Variants in TAFA2 observed in about 807,000 individuals in gnomAD.
TAFA2 encodes chemokine-like protein TAFA-2.
Under a neutral mutation model 18.8 loss-of-function variants are expected in TAFA2, and 7 were observed. That is an observed-to-expected ratio of 0.37 (90% confidence interval 0.21 to 0.70). The LOEUF (loss-of-function observed/expected upper bound fraction) is 0.70. Ranked by LOEUF, TAFA2 falls within the 30% of genes least tolerant of loss-of-function variation. TAFA2 has a pLI of 0.53. For missense variants in TAFA2, 122 were observed against 158.1 expected, an observed-to-expected ratio of 0.77 and a Z score of 1.23; for synonymous variants, 60 against 54.2, an observed-to-expected ratio of 1.11 and a Z score of -0.47.
chr12:62,214,839 T>C (rs573007084), intron 1 of TAFA2, among the ~76,000 whole-genome samples: 1 of 152,214 alleles, frequency 6.6e-6, no homozygotes, highest in Non-Finnish European at 1.5e-5. Context: ...TGGTACTTTG[T>C]TATGGCATCC....
intron 1 of TAFA2, among the ~76,000 whole-genome samples, chr12:62,047,992 T>C (rs1881953830): frequency 6.6e-6 from 1 of 152,232 alleles, no homozygotes; most frequent in African/African-American, 2.4e-5. Context: ...GATAAAGTGA[T>C]CTTTGAAGCA....
intron 4 of TAFA2, among the ~76,000 whole-genome samples, chr12:61,713,214 A>G (rs905685182): frequency 2.0e-5 from 3 of 152,166 alleles, no homozygotes; most frequent in Admixed American, 2.0e-4. Context: ...AAAGGTGGCC[A>G]ACTGTTCAAA....
chr12:62,168,269 T>C (rs890789348), intron 1 of TAFA2, among the ~76,000 whole-genome samples: 3 of 152,208 alleles, frequency 2.0e-5, no homozygotes, highest in African/African-American at 7.2e-5. Flanking sequence ...GAACTGAGCA[T>C]TAGTGGCTAC....
chr12:61,881,529 T>C (rs957754683), intron 1 of TAFA2, among the ~76,000 whole-genome samples: 11 of 152,140 alleles, frequency 7.2e-5, no homozygotes, highest in African/African-American at 2.7e-4. Context: ...AAACATTGTA[T>C]GCAGCCTATG....
chr12:61,895,244 T>C (rs1875792463), intron 1 of TAFA2, among the ~76,000 whole-genome samples: 1 of 152,172 alleles, frequency 6.6e-6, no homozygotes, highest in Admixed American at 6.5e-5. Context: ...ATATGTTTTA[T>C]ATCAGTTGAG....
chr12:61,836,202 A>G (rs1465032669), intron 2 of TAFA2, among the ~76,000 whole-genome samples: 2 of 151,962 alleles, frequency 1.3e-5, no homozygotes, highest in Non-Finnish European at 2.9e-5. Flanking sequence ...CACATAATTA[A>G]CTATATAAAA....
At chr12:61,751,608 A>C (rs1232242958) in intron 4 of TAFA2, among the ~76,000 whole-genome samples, 1 of 151,888 alleles carries the variant, frequency 6.6e-6, no homozygotes, top group Non-Finnish European at 1.5e-5. Context: ...AAGGTCCTCC[A>C]TTACCAGCTA....
intron 1 of TAFA2, among the ~76,000 whole-genome samples, chr12:61,962,351 A>G (rs1469596564): frequency 1.3e-5 from 2 of 151,974 alleles, no homozygotes; most frequent in African/African-American, 4.8e-5. Context: ...TACTCTATCT[A>G]CTCTCCATGG....
chr12:62,053,329 T>C (rs1882104303), intron 1 of TAFA2, among the ~76,000 whole-genome samples: 1 of 152,216 alleles, frequency 6.6e-6, no homozygotes, highest in Middle Eastern at 3.2e-3. Context: ...ATATTTAATA[T>C]TCTGGTATGT....
intron 1 of TAFA2, among the ~76,000 whole-genome samples, chr12:62,112,112 G>T (rs1220526503): frequency 1.3e-5 from 2 of 152,114 alleles, no homozygotes; most frequent in Non-Finnish European, 2.9e-5. Context: ...GTGTGTTTTT[G>T]CAGTGGCTGG....
chr12:61,840,329 G>T (rs1381779334), intron 2 of TAFA2, among the ~76,000 whole-genome samples: 1 of 152,068 alleles, frequency 6.6e-6, no homozygotes, highest in African/African-American at 2.4e-5. Flanking sequence ...TATCGAGAGT[G>T]TGATAAATCA....
intron 1 of TAFA2, among the ~76,000 whole-genome samples, chr12:62,020,395 A>G (rs1229013313): frequency 1.3e-5 from 2 of 152,228 alleles, no homozygotes; most frequent in East Asian, 3.8e-4. Context: ...TTTGAGCTGA[A>G]TATCAGGGGA....
chr12:61,725,105 A>G (rs947476196), intron 4 of TAFA2, among the ~76,000 whole-genome samples: 5 of 151,572 alleles, frequency 3.3e-5, no homozygotes, highest in African/African-American at 1.2e-4. Context: ...TTTTTTATCT[A>G]TTTATGTCCT....
rs2121453280 is a variant in TAFA2 at position 61,951,643 on chromosome 12, A to C, written c.-1-84217T>G. On this transcript the variant is annotated intron_variant, in intron 1 of 4. Transcript: ENST00000416284. ...AGGACATGAAGGGCATAGAAGAAAA[A>C]GGAAAAGTAAAGATGGCGTTTGAAG... Among the ~76,000 whole-genome samples the C allele has an allele frequency of 2.0e-5, 3 of 152,238 alleles. No individual in the cohort carries two copies. In the East Asian group the frequency reaches 5.8e-4, roughly 29 times the overall value.
At chr12:61,919,256 T>G (rs1876948672) in intron 1 of TAFA2, among the ~76,000 whole-genome samples, 1 of 152,218 alleles carries the variant, frequency 6.6e-6, no homozygotes, top group African/African-American at 2.4e-5. Flanking sequence ...GACTTGCTAA[T>G]TTAGTATTCA....
At chr12:62,107,778 T>C (rs1373759686) in intron 1 of TAFA2, among the ~76,000 whole-genome samples, 1 of 152,174 alleles carries the variant, frequency 6.6e-6, no homozygotes. Context: ...CCTGGATGAC[T>C]GAAATAAGAA....
chr12:61,780,610 G>A (rs1180948420), intron 2 of TAFA2, among the ~76,000 whole-genome samples: 1 of 151,354 alleles, frequency 6.6e-6, no homozygotes, highest in Non-Finnish European at 1.5e-5. Context: ...AATCAAGAAA[G>A]ACAGGGCCCT....
At chr12:62,106,495 G>A (rs1397646580) in intron 1 of TAFA2, among the ~76,000 whole-genome samples, 1 of 152,154 alleles carries the variant, frequency 6.6e-6, no homozygotes, top group Non-Finnish European at 1.5e-5. Context: ...AATAAAGGGA[G>A]AGGCAGAAGG....
chr12:62,043,510 G>A (rs1013583226), intron 1 of TAFA2, among the ~76,000 whole-genome samples: 2 of 152,090 alleles, frequency 1.3e-5, no homozygotes, highest in African/African-American at 4.8e-5. Context: ...TACACCTAAT[G>A]TTAAATGGCG....
Sources: allele counts gnomAD v4.1 joint callset (sites outside exome capture counted in the v4.1 genomes callset), GRCh38; gene constraint gnomAD v4.1.1; transcripts MANE v1.5; gene names NCBI Gene and HGNC (gene_info 2026-07-23, HGNC 2026-07-21).